Variants in MYLK3 observed in about 807,000 individuals in gnomAD.
MYLK3 encodes the protein MLC kinase.
In MYLK3, 55 loss-of-function variants were observed where a neutral mutation model predicts 76.3. The ratio of observed to expected loss-of-function variants is 0.72; its 90% confidence interval spans 0.58 to 0.90. The LOEUF (loss-of-function observed/expected upper bound fraction) is 0.90, where lower values mean the gene tolerates loss of function less well. MYLK3 is among the 40% of genes least tolerant of loss of function. MYLK3 has a pLI of 0.00. For synonymous variants in MYLK3, 416 were observed against 425.4 expected, an observed-to-expected ratio of 0.98 and a Z score of 0.27; for missense variants, 973 against 1,053.6, an observed-to-expected ratio of 0.92 and a Z score of 1.06.
chr16:46,753,042 T>C (rs1037592214), upstream of MYLK3, among the ~76,000 whole-genome samples: 1 of 151,980 alleles, frequency 6.6e-6, no homozygotes, highest in Non-Finnish European at 1.5e-5. Context: ...GGTGAATGAG[T>C]GTTATCAATG....
intron 8 of MYLK3, among the ~76,000 whole-genome samples, 162 bp from the exon 9 acceptor site, chr16:46,721,355 G>C (rs1966797992): frequency 6.6e-6 from 1 of 152,190 alleles, no homozygotes; most frequent in Non-Finnish European, 1.5e-5. Context: ...GAAGGGGCTG[G>C]TGAGACAATA....
chr16:46,711,729 T>G, intron 10 of MYLK3: 1 of 368,066 alleles, frequency 2.7e-6, no homozygotes, highest in East Asian at 8.7e-5. Context: ...TGAAGCTTGC[T>G]TTACCCACCC....
intron 1 of MYLK3, among the ~76,000 whole-genome samples, chr16:46,761,617 G>A (rs1236367819): frequency 1.3e-5 from 2 of 152,042 alleles, no homozygotes; most frequent in African/African-American, 4.8e-5. Flanking sequence ...AGGAGTTCGA[G>A]ACCAGCCTGG....
chr16:46,718,590 C>T (rs374722686), intron 9 of MYLK3, among the ~76,000 whole-genome samples: 9 of 152,170 alleles, frequency 5.9e-5, no homozygotes, highest in East Asian at 5.8e-4. Context: ...CATCCAGGGG[C>T]GATGCTGTGT....
intron 1 of MYLK3, among the ~76,000 whole-genome samples, chr16:46,756,669 T>C (rs1239926825): frequency 6.6e-6 from 1 of 152,232 alleles, no homozygotes; most frequent in Non-Finnish European, 1.5e-5. Context: ...AGCCACATGT[T>C]GAGAGGAAAG....
At position 46,706,708 on chromosome 16, in the gene MYLK3, T is replaced by G. The variant is rs1394486465; in HGVS notation, c.*996A>C. ...AAGTGGATCATCATAAAGGTGTTCA[T>G]CTTCATCATCTTCCTGTTGAGTAGG... On this transcript the variant is annotated 3_prime_UTR_variant, in exon 13 of 13. Transcript: ENST00000394809. 1 of 152,266 alleles carries G rather than the reference T, an allele frequency of 6.6e-6. No individual in the cohort carries two copies. Among genetic ancestry groups the G allele is most frequent in the Admixed American group, 6.5e-5 (1 of 15,284 alleles). 9.4% of individuals were successfully genotyped at this position (152,266 alleles called of 1,614,324 possible).
chr16:46,716,407 T>A (rs897444362), intron 9 of MYLK3, among the ~76,000 whole-genome samples: 1 of 151,342 alleles, frequency 6.6e-6, no homozygotes, highest in African/African-American at 2.4e-5. Context: ...CATATATATG[T>A]ATGTGTATAT....
At chr16:46,733,492 A>G (rs185319787) in intron 3 of MYLK3, among the ~76,000 whole-genome samples, 44 of 152,326 alleles carry the variant, frequency 2.9e-4, no homozygotes, top group African/African-American at 9.9e-4. Flanking sequence ...ACTTCAGCAC[A>G]GGCCCTGCGC....
chr16:46,727,075 A>C (rs773330166), intron 8 of MYLK3, 161 bp downstream of exon 8: 2 of 569,846 alleles, frequency 3.5e-6, no homozygotes, highest in Non-Finnish European at 5.8e-6. Context: ...TACAGCCCCA[A>C]GAGGCAGCAA....
intron 10 of MYLK3, chr16:46,711,603 T>A (rs1966684460): frequency 2.3e-6 from 1 of 426,078 alleles, no homozygotes; most frequent in African/African-American, 2.1e-5. Flanking sequence ...CTCAAACTCC[T>A]GGGCTCAGGC....
At chr16:46,736,163 C>T (rs1567288359) in intron 3 of MYLK3, among the ~76,000 whole-genome samples, 3 of 152,178 alleles carry the variant, frequency 2.0e-5, no homozygotes, top group Admixed American at 1.3e-4. Flanking sequence ...AGGTGCACGC[C>T]ACCATGCCCA....
chr16:46,715,460 G>T (rs957539444), intron 9 of MYLK3, among the ~76,000 whole-genome samples: 5 of 152,128 alleles, frequency 3.3e-5, no homozygotes, highest in Non-Finnish European at 7.3e-5. Flanking sequence ...CATATTCTTA[G>T]CTCAAGTCTG....
In MYLK3 at chr16:46,732,289, C is replaced by G. The variant is rs375700169; in HGVS notation, c.1381G>C (p.Asp461His). The G allele has an allele frequency of 1.2e-5, 19 of 1,609,050 alleles. No individual in the cohort carries two copies. The highest frequency in any genetic ancestry group is 1.6e-5 in the Non-Finnish European group (19 of 1,180,004). ...CTCACCGGAGCCCTGGCTGCACAGT[C>G]CTGCTCAGGCTCAGGGTTTCCCGCC... ...PGAGNPEPEQ[D>H]CAARAPVRAE... The change falls in exon 4 of 13, where the codon GAC becomes CAC. Residue 461 changes from aspartate (D) to histidine (H), a missense_variant. By Grantham distance (81) the Asp-to-His change is moderately conservative. This residue lies in a region of MYLK3 where 641 missense variants were observed against 637.0 expected (regional missense o/e 1.01). Coordinates refer to ENST00000394809, the MANE Select transcript of MYLK3 (RefSeq NM_182493.3).
intron 1 of MYLK3, among the ~76,000 whole-genome samples, chr16:46,758,647 C>T (rs60506161): frequency 1.4e-4 from 21 of 152,192 alleles, no homozygotes; most frequent in Non-Finnish European, 2.9e-4. Flanking sequence ...ATCTCAGACA[C>T]GAGAAGGGTC....
chr16:46,729,875 C>T (rs192067481), intron 5 of MYLK3, 188 bp from the exon 6 acceptor site: 4 of 619,586 alleles, frequency 6.5e-6, no homozygotes, highest in African/African-American at 1.8e-5. Context: ...CTTCACCCCA[C>T]ACCACCCAGG....
chr16:46,753,270 C>T (rs1047634960), upstream of MYLK3, among the ~76,000 whole-genome samples: 2 of 152,192 alleles, frequency 1.3e-5, no homozygotes, highest in Non-Finnish European at 2.9e-5. Flanking sequence ...TCCATCCCTC[C>T]TCCTGCCCCA....
At chr16:46,758,147 G>A (rs1455256260) in intron 1 of MYLK3, among the ~76,000 whole-genome samples, 1 of 151,948 alleles carries the variant, frequency 6.6e-6, no homozygotes, top group African/African-American at 2.4e-5. Context: ...ACAAGGACAC[G>A]TGGCTCTGTC....
Position 46,740,126 on chromosome 16 carries a change from C to T in MYLK3, c.499G>A (p.Glu167Lys), listed in dbSNP as rs149773572. The change falls in exon 2 of 13, where the codon GAG becomes AAG. Residue 167 changes from glutamate to lysine, a missense_variant. Glu to Lys is a moderately conservative substitution (Grantham distance 56, BLOSUM62 1). This residue lies in a region of MYLK3 where 641 missense variants were observed against 637.0 expected (regional missense o/e 1.01). Coordinates refer to ENST00000394809, the MANE Select transcript of MYLK3 (RefSeq NM_182493.3). ...AGCACATGCTTTGGTTTTCCTCCCT[C>T]TTCTTCCACTCGCTCTTTATTCTAA... ...PEENKERVEE[E>K]GGKPKHVLST... The T allele has an allele frequency of 1.9e-6, 3 of 1,613,772 alleles. No homozygotes were observed. The highest frequency in any genetic ancestry group is 2.5e-6 in the Non-Finnish European group (3 of 1,179,872).
rs560125963 is a variant in MYLK3, at chr16:46,737,573, G to T, written c.1001+138C>A. 4 of 785,152 alleles carry T rather than the reference G, an allele frequency of 5.1e-6. No individual in the cohort carries two copies. In the African/African-American group the frequency reaches 6.9e-5, roughly 14 times the overall value. 48.6% of individuals were successfully genotyped at this position (785,152 alleles called of 1,614,324 possible). On this transcript the variant is annotated intron_variant, in intron 3 of 12. Transcript: ENST00000394809. ...CTGGTACTCTAAGCTCCCAGAGGCAGGGCCCAGGCCTCCTCCCCATTCCCC... is the reference window on the plus strand; with the variant it reads ...CTGGTACTCTAAGCTCCCAGAGGCATGGCCCAGGCCTCCTCCCCATTCCCC...
Sources: gnomAD v4.1 joint callset for allele counts (sites outside exome capture counted in the v4.1 genomes callset) on GRCh38, gnomAD v4.1.1 for gene constraint, gnomAD v4.1.1 regional missense constraint, MANE v1.5 for transcripts, NCBI Gene and HGNC (gene_info 2026-07-23, HGNC 2026-07-21) for gene names.